SPTLC1: variants seen among roughly 807,000 people sequenced by gnomAD.
SPTLC1 encodes the protein serine palmitoyltransferase long chain base subunit 1, also known as serine palmitoyltransferase 1.
SPTLC1 carries 55 observed loss-of-function variants against 68.9 expected under a neutral mutation model. The ratio of observed to expected loss-of-function variants is 0.80; its 90% CI spans 0.64 to 1.00. SPTLC1 has a LOEUF of 1.00. SPTLC1 is among the 50% of genes least tolerant of loss of function. SPTLC1 has a pLI of 0.00. For missense variants in SPTLC1, 449 were observed against 573.1 expected (o/e 0.78, Z 2.21); for synonymous variants, 197 against 201.6 (o/e 0.98, Z 0.19).
At chr9:92,105,155 G>A (rs917807132) in intron 3 of SPTLC1, 127 of 1,533,808 alleles carry the variant, frequency 8.3e-5, no homozygotes, top group Non-Finnish European at 1.0e-4. Context: ...CAGAGCTGCC[G>A]GCCACAGGTC....
intron 3 of SPTLC1, among the ~76,000 whole-genome samples, chr9:92,104,268 T>TGCTC (rs1252476273): frequency 1.3e-5 from 2 of 152,222 alleles, no homozygotes; most frequent in East Asian, 3.9e-4. Flanking sequence ...ACCGGCAACC[T>TGCTC]GCTCGTCTTG....
chr9:92,105,361 A>C (rs562730949), intron 3 of SPTLC1: 2 of 1,516,940 alleles, frequency 1.3e-6, no homozygotes, highest in Non-Finnish European at 1.8e-6. Context: ...TGAGGTTGTT[A>C]AGTAGAACAT....
chr9:92,038,215 G>T, intron 13 of SPTLC1, 33 bp downstream of exon 13: 2 of 1,422,046 alleles, frequency 1.4e-6, no homozygotes, highest in Non-Finnish European at 2.0e-6. Context: ...CAGAAGTGGT[G>T]TGGGGGGATG....
intron 3 of SPTLC1, chr9:92,104,944 C>T (rs1045222236): frequency 2.6e-6 from 4 of 1,534,456 alleles, no homozygotes; most frequent in Non-Finnish European, 3.5e-6. Flanking sequence ...CTGTTGGAGG[C>T]ATCCTTCCCT....
chr9:92,047,342 T>C (rs77603445), intron 10 of SPTLC1, 74 bp from the exon 11 acceptor site: 16,456 of 1,259,560 alleles, frequency 0.013, 128 homozygotes, highest in Non-Finnish European at 0.016. Context: ...GCACCAGTTC[T>C]CTAGAACAAC....
Position 92,032,527 on chromosome 9 carries a change from CTGTT to C in SPTLC1, c.1356_1359del (p.Thr453ArgfsTer14), listed in dbSNP as rs1326233011. ...GACGCAGCTCTCTCCAGTTCTTCCT[CTGTT>C]TGTTCCACCGTGACCACAACCCGAA... is the stretch of plus-strand genomic sequence containing the variant. On this transcript the variant is annotated frameshift_variant, in exon 15 of 15. Coordinates refer to ENST00000262554, the MANE Select transcript of SPTLC1 (RefSeq NM_006415.4). LOFTEE classifies it high-confidence loss of function. 2 of 1,614,192 alleles carry C rather than the reference CTGTT, an allele frequency of 1.2e-6. No homozygotes were observed. The highest frequency in any genetic ancestry group is 8.5e-7 in the Non-Finnish European group (1 of 1,180,030).
At chr9:92,056,375 C>T (rs531262972) in intron 7 of SPTLC1, among the ~76,000 whole-genome samples, 24 of 152,222 alleles carry the variant, frequency 1.6e-4, no homozygotes, top group South Asian at 1.2e-3. Context: ...ATTACAGGCA[C>T]CCGCCACCAC....
chr9:92,032,092 CT>C lies in SPTLC1; in HGVS notation c.*372del. 1 of 586,406 alleles carries C rather than the reference CT, an allele frequency of 1.7e-6. No individual in the cohort carries two copies. The highest frequency in any genetic ancestry group is 2.4e-5 in the South Asian group (1 of 42,406). The allele number at this position is 586,406 out of a possible 1,614,324, so 36.3% of individuals were successfully genotyped here. ...ATACTAAGGAGTTAAGGAGTGCTTA[CT>C]GAACCATTACTATTAGAGGGAGGGA... On this transcript the variant is annotated 3_prime_UTR_variant, in exon 15 of 15. Coordinates refer to ENST00000262554, the MANE Select transcript of SPTLC1 (RefSeq NM_006415.4).
chr9:92,107,035 A>C (rs1195631775), intron 3 of SPTLC1, among the ~76,000 whole-genome samples: 2 of 152,232 alleles, frequency 1.3e-5, no homozygotes, highest in East Asian at 3.8e-4. Context: ...AAGCCTCCTA[A>C]ATTAATCCAT....
chr9:92,083,524 C>T (rs1834981704), intron 3 of SPTLC1, among the ~76,000 whole-genome samples: 1 of 152,202 alleles, frequency 6.6e-6, no homozygotes, highest in Non-Finnish European at 1.5e-5. Flanking sequence ...TTGATTTTCT[C>T]AGGTTTGTCA....
At chr9:92,050,158 G>A in intron 8 of SPTLC1, 91 bp from the exon 9 acceptor site, 4 of 830,026 alleles carry the variant, frequency 4.8e-6, no homozygotes, top group Non-Finnish European at 8.3e-6. Flanking sequence ...AGTATGTACA[G>A]CTGACTCTCA....
intron 13 of SPTLC1, among the ~76,000 whole-genome samples, chr9:92,037,742 A>C (rs1833192740): frequency 6.6e-6 from 1 of 152,214 alleles, no homozygotes; most frequent in African/African-American, 2.4e-5. Flanking sequence ...TCCCCAAATT[A>C]GGTATGTTAT....
chr9:92,111,217 T>C (rs538065098), intron 2 of SPTLC1: 1 of 152,298 alleles, frequency 6.6e-6, no homozygotes, highest in African/African-American at 2.4e-5. Flanking sequence ...TACTTTACAT[T>C]CTTTTCGAAG....
chr9:92,115,010 A>C, intron 1 of SPTLC1: 1 of 498,012 alleles, frequency 2.0e-6, no homozygotes, highest in African/African-American at 1.9e-5. Flanking sequence ...GTCCGTCTAA[A>C]CTCTGGTTTT....
chr9:92,032,582 G>C (rs1445496633), intron 14 of SPTLC1, 24 bp from the exon 15 acceptor site: 2 of 1,613,254 alleles, frequency 1.2e-6, no homozygotes, highest in Non-Finnish European at 1.7e-6. Flanking sequence ...AGGACACAAA[G>C]AATTATCTTT....
At chr9:92,110,669 G>A (rs539458960) in intron 2 of SPTLC1, 17 of 152,208 alleles carry the variant, frequency 1.1e-4, no homozygotes, top group African/African-American at 4.1e-4. Context: ...TCTCTATTAT[G>A]CCTAGAAGGC....
intron 12 of SPTLC1, chr9:92,038,606 T>C (rs910494541): frequency 3.8e-6 from 2 of 528,768 alleles, no homozygotes; most frequent in African/African-American, 1.9e-5. Flanking sequence ...CCGGGTCTCA[T>C]GGCCCCAGCC....
intron 6 of SPTLC1, among the ~76,000 whole-genome samples, chr9:92,065,711 C>A (rs555970494): frequency 2.4e-4 from 36 of 152,272 alleles, no homozygotes; most frequent in Non-Finnish European, 4.4e-4. Context: ...GTCAATGGCG[C>A]TTCAGTTAGT....
At chr9:92,051,295 C>T (rs1170253161) in intron 8 of SPTLC1, 6 of 982,680 alleles carry the variant, frequency 6.1e-6, no homozygotes, top group East Asian at 1.1e-4. Flanking sequence ...TCTCAATGGC[C>T]GAATGCAATG....
Sources: gnomAD v4.1 joint callset for allele counts (sites outside exome capture counted in the v4.1 genomes callset) on GRCh38, gnomAD v4.1.1 for gene constraint, MANE v1.5 for transcripts, NCBI Gene and HGNC (gene_info 2026-07-23, HGNC 2026-07-21) for gene names.